GPC5: variants seen among roughly 807,000 people sequenced by gnomAD.
GPC5 encodes glypican 5, also known as glypican-5.
A neutral mutation model predicts 53.9 loss-of-function variants in GPC5; 47 were observed. The ratio of observed to expected loss-of-function variants is 0.87; its 90% CI spans 0.69 to 1.11. GPC5 has a LOEUF of 1.11. Ranked by LOEUF, GPC5 falls within the 50% of genes most tolerant of loss-of-function variation. GPC5 has a pLI of 0.00. For synonymous variants in GPC5, 286 were observed against 263.3 expected (o/e 1.09, Z -0.84); for missense variants, 748 against 713.1 (o/e 1.05, Z -0.56).
intron 7 of GPC5, among the ~76,000 whole-genome samples, chr13:92,514,877 C>G (rs908463918): frequency 1.3e-5 from 2 of 152,048 alleles, no homozygotes; most frequent in African/African-American, 4.8e-5. Flanking sequence ...TGACAGCAAC[C>G]TGAAAAAAAT....
At chr13:92,547,041 T>G (rs533024748) in intron 7 of GPC5, among the ~76,000 whole-genome samples, 97 of 152,192 alleles carry the variant, frequency 6.4e-4, no homozygotes, top group African/African-American at 2.3e-3. Flanking sequence ...AGACTTAAAT[T>G]TTAGACCTAA....
intron 6 of GPC5, among the ~76,000 whole-genome samples, chr13:91,937,771 A>G (rs2139040560): frequency 6.6e-6 from 1 of 152,244 alleles, no homozygotes; most frequent in South Asian, 2.1e-4. Flanking sequence ...TGGAAGCTAG[A>G]AAGATAAACC....
At chr13:92,059,262 T>TTATATAGAAG (rs1491109909) in intron 6 of GPC5, among the ~76,000 whole-genome samples, 2 of 151,300 alleles carry the variant, frequency 1.3e-5, no homozygotes, top group African/African-American at 2.5e-5. Context: ...TGGAGGGTAA[T>TTATATAGAAG]TACCCATTAT....
intron 6 of GPC5, among the ~76,000 whole-genome samples, chr13:92,055,924 C>T (rs576915342): frequency 6.6e-6 from 1 of 152,064 alleles, no homozygotes; most frequent in Non-Finnish European, 1.5e-5. Context: ...AGTTTAATAG[C>T]ATTATTGTAG....
chr13:91,681,251 G>T (rs2035501961), intron 2 of GPC5, among the ~76,000 whole-genome samples: 1 of 152,132 alleles, frequency 6.6e-6, no homozygotes, highest in African/African-American at 2.4e-5. Context: ...GAACGATCTG[G>T]CCTAGGATGC....
chr13:91,685,648 C>T (rs539570619), intron 2 of GPC5, among the ~76,000 whole-genome samples: 10 of 152,030 alleles, frequency 6.6e-5, no homozygotes, highest in Non-Finnish European at 1.5e-4. Context: ...TTTATAAGGA[C>T]AGAAACTTGT....
chr13:92,356,501 C>T (rs910231619), intron 7 of GPC5, among the ~76,000 whole-genome samples: 11 of 152,054 alleles, frequency 7.2e-5, no homozygotes, highest in Non-Finnish European at 1.3e-4. Context: ...TAGACCAGAC[C>T]CCTTACTTGG....
chr13:91,989,402 T>C (rs2040436862), intron 6 of GPC5, among the ~76,000 whole-genome samples: 2 of 152,168 alleles, frequency 1.3e-5, no homozygotes, highest in Non-Finnish European at 2.9e-5. Context: ...AAGAAGAAAT[T>C]GAACTGATGC....
chr13:91,665,410 T>A (rs1213068277), intron 2 of GPC5, among the ~76,000 whole-genome samples: 1 of 152,218 alleles, frequency 6.6e-6, no homozygotes, highest in Non-Finnish European at 1.5e-5. Context: ...GTGCTGGATT[T>A]ACCTGTGTAA....
At chr13:92,422,391 A>G (rs1876604650) in intron 7 of GPC5, among the ~76,000 whole-genome samples, 1 of 151,982 alleles carries the variant, frequency 6.6e-6, no homozygotes, top group Non-Finnish European at 1.5e-5. Flanking sequence ...TCTGTGGCTC[A>G]GCAGGCTTCC....
chr13:92,381,913 T>TATATATATCATATATCATATATATG (rs1566565380), intron 7 of GPC5, among the ~76,000 whole-genome samples: 72 of 136,772 alleles, frequency 5.3e-4, no homozygotes, highest in Non-Finnish European at 6.8e-4. Flanking sequence ...ATATATGATA[T>TATATATATCATATATCATATATATG]ATATAATCAT....
chr13:92,031,790 T>C (rs1253070812), intron 6 of GPC5, among the ~76,000 whole-genome samples: 1 of 106,212 alleles, frequency 9.4e-6, no homozygotes, highest in Non-Finnish European at 1.7e-5. Flanking sequence ...ATATATTACA[T>C]ATTATATATA....
intron 2 of GPC5, among the ~76,000 whole-genome samples, chr13:91,569,735 G>A (rs1484072157): frequency 6.6e-6 from 1 of 152,118 alleles, no homozygotes; most frequent in Non-Finnish European, 1.5e-5. Flanking sequence ...CTCCCTTCAT[G>A]AATGGATTAG....
rs561048212 is a variant in GPC5, at chr13:92,795,952, G to A, written c.1562-70330G>A. Among the ~76,000 whole-genome samples, 11 of 152,210 alleles carry A rather than the reference G, an allele frequency of 7.2e-5. No individual in the cohort carries two copies. The South Asian group carries it at 2.3e-3, about 32-fold the overall frequency. ...GTTCAACCATTGTGGAAGACAGTGT[G>A]GCAATTCCTCAAGCATCTAGAACTA... is the stretch of plus-strand genomic sequence containing the variant. On this transcript the variant is annotated intron_variant, in intron 7 of 7. Coordinates refer to ENST00000377067, the MANE Select transcript of GPC5 (RefSeq NM_004466.6).
At chr13:92,487,840 TAAA>T (rs66972682) in intron 7 of GPC5, among the ~76,000 whole-genome samples, 1 of 99,596 alleles carries the variant, frequency 1.0e-5, no homozygotes. Context: ...ATAAATATAG[TAAA>T]AAAAAAAAAA....
rs115593977 is a variant in GPC5, at chr13:92,202,890, A to G, written c.1561+57901A>G. On this transcript the variant is annotated intron_variant, in intron 7 of 7. Transcript: ENST00000377067. ...ATTCTTCTGAAGCACATTTTTTACA[A>G]TTAGTATCATGTCAACTTTTCAAGA... Among the ~76,000 whole-genome samples, 1,164 of 152,328 alleles carry G rather than the reference A, an allele frequency of 7.6e-3. 21 individuals carry two copies. Among genetic ancestry groups the G allele is most frequent in the African/African-American group, 0.026 (1,087 of 41,578 alleles).
At chr13:92,548,833 G>T (rs1882213306) in intron 7 of GPC5, among the ~76,000 whole-genome samples, 1 of 151,854 alleles carries the variant, frequency 6.6e-6, no homozygotes, top group Admixed American at 6.6e-5. Flanking sequence ...CCCAAGATGT[G>T]CATATTTCAC....
chr13:92,648,131 T>C (rs1481634665), intron 7 of GPC5, among the ~76,000 whole-genome samples: 3 of 152,064 alleles, frequency 2.0e-5, no homozygotes, highest in Non-Finnish European at 4.4e-5. Context: ...ATATATAATC[T>C]TCACTTCATT....
At chr13:92,824,416 C>T (rs932449055) in intron 7 of GPC5, among the ~76,000 whole-genome samples, 2 of 152,094 alleles carry the variant, frequency 1.3e-5, no homozygotes, top group Non-Finnish European at 2.9e-5. Context: ...GTCATCTTTG[C>T]TGCTCCCAGG....
Sources: allele counts gnomAD v4.1 joint callset (sites outside exome capture counted in the v4.1 genomes callset), GRCh38; gene constraint gnomAD v4.1.1; transcripts MANE v1.5; gene names NCBI Gene and HGNC (gene_info 2026-07-23, HGNC 2026-07-21).